The following DIDO1 variants were observed in gnomAD, a reference collection of about 807,000 sequenced individuals.
DIDO1 encodes death-inducer obliterator 1.
Under a neutral mutation model 99.4 loss-of-function variants are expected in DIDO1, and 16 were observed. The observed-to-expected ratio is 0.16, with a 90% confidence interval of 0.11 to 0.24. DIDO1 has a LOEUF of 0.24. Among genes scored for constraint, DIDO1 ranks in the 10% least tolerant of loss-of-function variants. The pLI is 1.00. For missense variants in DIDO1, 2,996 were observed against 3,014.0 expected, an observed-to-expected ratio of 0.99 and a Z score of 0.14; for synonymous variants, 1,366 against 1,239.1, an observed-to-expected ratio of 1.10 and a Z score of -2.15.
chr20:62,896,072 C>T lies in DIDO1; in HGVS notation c.2214+161G>A, dbSNP rs1241368867. On this transcript the variant is annotated intron_variant, in intron 8 of 15. Coordinates refer to ENST00000395343, the MANE Select transcript of DIDO1 (RefSeq NM_001193369.2). The surrounding 1 kb of genome is among the most constrained non-coding windows in gnomAD (Gnocchi z 4.4). ...GGGAAGGGGTTTCCAGGACGCTCAA[C>T]GCCAGTGCAACAATACGTGGGCGGC... 6.6e-6 allele frequency among the ~76,000 whole-genome samples: 1 copy of T among 152,142 alleles called. No homozygotes were observed. The highest frequency in any genetic ancestry group is 6.6e-5 in the Admixed American group (1 of 15,266).
chr20:62,902,049 A>G (rs2064694643), intron 6 of DIDO1, among the ~76,000 whole-genome samples: 1 of 151,838 alleles, frequency 6.6e-6, no homozygotes. Context: ...ATTCAGGGGG[A>G]CCGATCCTGC....
At chr20:62,891,748 T>C (rs1032521964) in intron 14 of DIDO1, among the ~76,000 whole-genome samples, 1 of 144,958 alleles carries the variant, frequency 6.9e-6, no homozygotes, top group Non-Finnish European at 1.5e-5. Context: ...CACACAGTCA[T>C]ACAACTATGT....
At chr20:62,916,075 A>G (rs2065031896) in intron 1 of DIDO1, among the ~76,000 whole-genome samples, 1 of 152,216 alleles carries the variant, frequency 6.6e-6, no homozygotes, top group Non-Finnish European at 1.5e-5. Context: ...AAACATATGT[A>G]TATCAAGGCA....
intron 6 of DIDO1, among the ~76,000 whole-genome samples, chr20:62,897,376 G>A (rs1252692223): frequency 6.6e-6 from 1 of 152,190 alleles, no homozygotes; most frequent in Admixed American, 6.5e-5. Context: ...ATGAATTCAA[G>A]TGCAAACTGT....
chr20:62,911,439 G>A lies in DIDO1; in HGVS notation c.174C>T (p.Gly58=). The A allele has an allele frequency of 6.2e-7, 1 of 1,612,068 alleles. No homozygotes were observed. Among genetic ancestry groups the A allele is most frequent in the Non-Finnish European group, 8.5e-7 (1 of 1,179,140 alleles). Residue 58 remains glycine, a synonymous_variant, in exon 3 of 16, where the codon GGC becomes GGT. Coordinates refer to ENST00000395343, the MANE Select transcript of DIDO1 (RefSeq NM_001193369.2). This position sits in a 1 kb window ranked among gnomAD's most constrained non-coding sequence, Gnocchi z 7.0. ...LEPPPPQQQL[G]LSLRRSGRQP... Reference sequence around the variant, plus strand: ...GCCTCCCACTGCGCCGCAGGGACAGGCCCAGCTGCTGCTGTGGGGGTGGCG... The same window carrying A: ...GCCTCCCACTGCGCCGCAGGGACAGACCCAGCTGCTGCTGTGGGGGTGGCG...
intron 15 of DIDO1, chr20:62,887,782 T>C: frequency 2.0e-6 from 2 of 985,384 alleles, no homozygotes; most frequent in Non-Finnish European, 2.4e-6. Context: ...CGACCCCAAG[T>C]CCCTGCGGGG....
At chr20:62,887,005 C>T (rs987192395) in intron 15 of DIDO1, among the ~76,000 whole-genome samples, 2 of 152,168 alleles carry the variant, frequency 1.3e-5, no homozygotes, top group African/African-American at 4.8e-5. Context: ...AAGAGGAGAG[C>T]GACGTCCATC....
chr20:62,894,570 A>C lies in DIDO1; in HGVS notation c.2437-22T>G, dbSNP rs972386115. 1.2e-6 allele frequency: 2 copies of C among 1,601,832 alleles called. No homozygotes were observed. Among genetic ancestry groups the C allele is most frequent in the Non-Finnish European group, 1.7e-6 (2 of 1,176,518 alleles). On this transcript the variant is annotated intron_variant, in intron 10 of 15. Coordinates refer to ENST00000395343, the MANE Select transcript of DIDO1 (RefSeq NM_001193369.2). This position sits in a 1 kb window ranked among gnomAD's most constrained non-coding sequence, Gnocchi z 4.4. The stretch of plus-strand genomic sequence containing the variant: ...GTTCCTAAAAAAGAAAAAGAAAAAA[A>C]AGTGAGGTCGTTTCTTCTCCAAACT...
chr20:62,896,957 G>A lies in DIDO1; in HGVS notation c.1628C>T (p.Ala543Val). 1 of 1,613,646 alleles carries A rather than the reference G, an allele frequency of 6.2e-7. No individual in the cohort carries two copies. Residue 543 changes from alanine to valine, a missense_variant, in exon 7 of 16, where the codon GCC becomes GTC. Transcript: ENST00000395343. This position sits in a 1 kb window ranked among gnomAD's most constrained non-coding sequence, Gnocchi z 4.4. ...EDRRSEEKAAAMAASKKTAPP... is the reference protein window; with the variant it reads ...EDRRSEEKAAVMAASKKTAPP... ...GGCTGTTTTCTTTGAGGCTGCCATGGCTGCCGCTTTCTCCTCGGACCTCCT... is the reference window on the plus strand; with the variant it reads ...GGCTGTTTTCTTTGAGGCTGCCATGACTGCCGCTTTCTCCTCGGACCTCCT...
At chr20:62,903,146 CTG>C (rs1251729914) in intron 6 of DIDO1, among the ~76,000 whole-genome samples, 1 of 152,210 alleles carries the variant, frequency 6.6e-6, no homozygotes, top group African/African-American at 2.4e-5. Context: ...GCTAAATAAA[CTG>C]TATATATAAG....
intron 15 of DIDO1, among the ~76,000 whole-genome samples, chr20:62,884,215 T>G (rs1158879604): frequency 6.6e-6 from 1 of 151,872 alleles, no homozygotes; most frequent in African/African-American, 2.4e-5. Flanking sequence ...AAAAAAAAAA[T>G]TATTCAAAGA....
intron 6 of DIDO1, chr20:62,904,863 T>A (rs2064766027): frequency 2.5e-6 from 1 of 397,400 alleles, no homozygotes; most frequent in Admixed American, 6.6e-5. Context: ...CCTGCATGAG[T>A]GCCTTCCCTT....
exon 1 of DIDO1, chr20:62,937,889 G>C (rs895296541): frequency 2.5e-6 from 1 of 398,332 alleles, no homozygotes; most frequent in African/African-American, 2.1e-5. Context: ...GAGGGCCGAC[G>C]CCTTTTGACT....
intron 1 of DIDO1, among the ~76,000 whole-genome samples, chr20:62,919,231 T>C (rs1202522979): frequency 6.6e-6 from 1 of 152,200 alleles, no homozygotes; most frequent in African/African-American, 2.4e-5. Context: ...TTTTGCTGCT[T>C]ACCAAATAAT....
intron 1 of DIDO1, among the ~76,000 whole-genome samples, chr20:62,922,108 A>G (rs1399821827): frequency 1.3e-5 from 1 of 75,312 alleles, no homozygotes; most frequent in Non-Finnish European, 2.6e-5. Context: ...CACTATATAT[A>G]TACACACACA....
In DIDO1 at chr20:62,922,034, GATATATATACACACA is replaced by G. The variant is rs1311353619; in HGVS notation, c.-200+4390_-200+4404del. ...ATATCCACACAATATATATCCACAC[GATATATATACACACA>G]ATATATATATACACACACTATATAC... is the stretch of plus-strand genomic sequence containing the variant. On this transcript the variant is annotated intron_variant, in intron 1 of 15. Transcript: ENST00000395343. Among the ~76,000 whole-genome samples, 100 of 136,240 alleles carry G rather than the reference GATATATATACACACA, an allele frequency of 7.3e-4. 1 individual carries two copies. The highest frequency in any genetic ancestry group is 2.6e-3 in the African/African-American group (82 of 31,956). The allele number at this position is 136,240 out of a possible 152,430, so 89.4% of individuals were successfully genotyped here.
chr20:62,898,656 C>T (rs981739953), intron 6 of DIDO1, among the ~76,000 whole-genome samples: 1 of 152,222 alleles, frequency 6.6e-6, no homozygotes, highest in African/African-American at 2.4e-5. Context: ...AGCCACAGGA[C>T]CCCCTCCTTG....
Position 62,890,996 on chromosome 20 carries a change from G to A in DIDO1, c.3505C>T (p.Pro1169Ser), listed in dbSNP as rs747655230. Residue 1169 changes from proline to serine, a missense_variant, in exon 15 of 16, where the codon CCT (proline) becomes TCT (serine). Physicochemically the swap from Pro to Ser is moderately conservative, Grantham distance 74. Transcript: ENST00000395343. ...AAGGGCAAGAGTTTGGATGGAACAG[G>A]GTCCTGGGCGCTCAGCGGGATCAGG... ...LYLIPLSAQDPVPSKLLPFEG... is the reference protein window; with the variant it reads ...LYLIPLSAQDSVPSKLLPFEG... 14 of 1,614,036 alleles carry A rather than the reference G, an allele frequency of 8.7e-6. No individual in the cohort carries two copies. Among genetic ancestry groups the A allele is most frequent in the Middle Eastern group, 3.3e-4 (2 of 6,076 alleles).
At position 62,906,140 on chromosome 20, in the gene DIDO1, G is replaced by A. The variant is rs1330740816; in HGVS notation, c.1375-40C>T. 2.5e-6 allele frequency: 4 copies of A among 1,582,418 alleles called. No homozygotes were observed. In the East Asian group the frequency reaches 9.0e-5, roughly 35 times the overall value. ...AAACCCCAAATCATTAAAAAGGTAAGAAATCATACCTTCACTTCATTTCAC... is the reference window on the plus strand; with the variant it reads ...AAACCCCAAATCATTAAAAAGGTAAAAAATCATACCTTCACTTCATTTCAC... On this transcript the variant is annotated intron_variant, in intron 5 of 15. Coordinates refer to ENST00000395343, the MANE Select transcript of DIDO1 (RefSeq NM_001193369.2).
Sources: allele counts gnomAD v4.1 joint callset (sites outside exome capture counted in the v4.1 genomes callset), GRCh38; gene constraint gnomAD v4.1.1; non-coding constraint Gnocchi (gnomAD v3.1); transcripts MANE v1.5; gene names NCBI Gene and HGNC (gene_info 2026-07-23, HGNC 2026-07-21).